Variants in LARGE1 observed in about 807,000 individuals in gnomAD.
LARGE1 encodes the protein LARGE xylosyl- and glucuronyltransferase 1, also known as xylosyl- and glucuronyltransferase LARGE1.
In LARGE1, 43 loss-of-function variants were observed where a neutral mutation model predicts 87.6. The ratio of observed to expected loss-of-function variants is 0.49; its 90% confidence interval spans 0.38 to 0.63. LARGE1 has a LOEUF of 0.63. Ranked by LOEUF, LARGE1 falls within the 30% of genes least tolerant of loss-of-function variation. The pLI is 0.00. For synonymous variants in LARGE1, 434 were observed against 394.6 expected (o/e 1.10, Z -1.18); for missense variants, 802 against 1,000.2 (o/e 0.80, Z 2.67).
intron 6 of LARGE1, among the ~76,000 whole-genome samples, chr22:33,476,155 T>C (rs1195913285): frequency 6.6e-6 from 1 of 152,248 alleles, no homozygotes; most frequent in Non-Finnish European, 1.5e-5. Context: ...GCAATGTAAA[T>C]TGATAGCTGA....
intron 11 of LARGE1, among the ~76,000 whole-genome samples, chr22:33,226,627 C>G (rs1925746749): frequency 6.6e-6 from 1 of 152,146 alleles, no homozygotes; most frequent in Non-Finnish European, 1.5e-5. Flanking sequence ...CTGGGCCTGA[C>G]AAGAGGAAGC....
intron 6 of LARGE1, among the ~76,000 whole-genome samples, chr22:33,506,059 C>T (rs1285068871): frequency 6.6e-6 from 1 of 152,092 alleles, no homozygotes; most frequent in African/African-American, 2.4e-5. Flanking sequence ...AGGGGACTCA[C>T]AGCCATGAAT....
chr22:33,877,164 C>G (rs980696062), intron 1 of LARGE1, among the ~76,000 whole-genome samples: 6 of 152,064 alleles, frequency 3.9e-5, no homozygotes, highest in Admixed American at 2.0e-4. Context: ...AAGAAAGTCC[C>G]TTTTTAAAAA....
chr22:33,452,303 C>T (rs1033508332), intron 6 of LARGE1, among the ~76,000 whole-genome samples: 1 of 152,162 alleles, frequency 6.6e-6, no homozygotes, highest in East Asian at 1.9e-4. Flanking sequence ...GGGTGAAGGA[C>T]GGGTGGCCTA....
At chr22:33,283,415 A>AGGGC (rs1385814366) in intron 12 of LARGE1, 67 bp from the exon 13 acceptor site, 1 of 1,577,398 alleles carries the variant, frequency 6.3e-7, no homozygotes, top group African/African-American at 1.4e-5. Flanking sequence ...TTCCCCCATG[A>AGGGC]GGGCGGGGTG....
chr22:33,524,129 A>G (rs1292607356), intron 6 of LARGE1, among the ~76,000 whole-genome samples: 1 of 151,932 alleles, frequency 6.6e-6, no homozygotes, highest in East Asian at 1.9e-4. Context: ...TGTCTCTACT[A>G]AAAATACAAA....
chr22:33,589,099 T>C (rs2078761577), intron 5 of LARGE1, among the ~76,000 whole-genome samples: 1 of 152,202 alleles, frequency 6.6e-6, no homozygotes, highest in Non-Finnish European at 1.5e-5. Flanking sequence ...CTGCATGGAA[T>C]TTCCCATAGA....
At chr22:33,271,626 C>CA (rs568989368), downstream of LARGE1, among the ~76,000 whole-genome samples, 2 of 152,242 alleles carry the variant, frequency 1.3e-5, no homozygotes, top group Non-Finnish European at 2.9e-5. Context: ...TTTTACCCCC[C>CA]AGGGAATTGA....
chr22:33,618,147 A>C (rs1211767544), intron 4 of LARGE1, among the ~76,000 whole-genome samples: 1 of 152,244 alleles, frequency 6.6e-6, no homozygotes, highest in Non-Finnish European at 1.5e-5. Context: ...CATTTCAGAA[A>C]ATCACCGCAG....
intron 11 of LARGE1, among the ~76,000 whole-genome samples, chr22:33,232,753 GA>G (rs1405401590): frequency 6.6e-6 from 1 of 152,184 alleles, no homozygotes; most frequent in Non-Finnish European, 1.5e-5. Flanking sequence ...GCAGATAAAT[GA>G]GGCCTATTCT....
chr22:33,602,152 C>A (rs2079129520), intron 5 of LARGE1, among the ~76,000 whole-genome samples: 1 of 152,200 alleles, frequency 6.6e-6, no homozygotes, highest in Admixed American at 6.5e-5. Context: ...TATTTCACCC[C>A]TTCCTTTGTG....
At chr22:33,076,516 C>T in the LARGE1 span, among the ~76,000 whole-genome samples, 4 of 152,178 alleles carry the variant, frequency 2.6e-5, no homozygotes, top group South Asian at 8.3e-4. Flanking sequence ...TTTGAAGCAC[C>T]AGATTTTCAT....
At chr22:33,158,337 A>G (rs1921928181), downstream of LARGE1, among the ~76,000 whole-genome samples, 1 of 152,194 alleles carries the variant, frequency 6.6e-6, no homozygotes, top group Non-Finnish European at 1.5e-5. Flanking sequence ...AATTATTGCA[A>G]AAGAAGGCAG....
intron 11 of LARGE1, among the ~76,000 whole-genome samples, chr22:33,167,637 G>A (rs1922343728): frequency 6.6e-6 from 1 of 152,156 alleles, no homozygotes; most frequent in Non-Finnish European, 1.5e-5. Context: ...TTCCCAACCA[G>A]ATTGCTAGTT....
chr22:33,685,823 C>T (rs1443290063), intron 2 of LARGE1, among the ~76,000 whole-genome samples: 1 of 152,162 alleles, frequency 6.6e-6, no homozygotes, highest in Admixed American at 6.5e-5. Context: ...ATAACCATGA[C>T]ACTATAAAGC....
At chr22:33,542,116 C>A (rs536032617) in intron 6 of LARGE1, among the ~76,000 whole-genome samples, 1 of 145,746 alleles carries the variant, frequency 6.9e-6, no homozygotes, top group East Asian at 2.0e-4. Flanking sequence ...GAGCCGAGAT[C>A]GCACCACTGC....
chr22:33,539,941 C>T (rs749430561), intron 6 of LARGE1, among the ~76,000 whole-genome samples: 22 of 151,998 alleles, frequency 1.4e-4, no homozygotes, highest in Non-Finnish European at 2.6e-4. Flanking sequence ...TCTTCTGACC[C>T]GGGATAAAAT....
At chr22:33,832,928 G>A (rs114660408) in intron 1 of LARGE1, among the ~76,000 whole-genome samples, 3,563 of 152,278 alleles carry the variant, frequency 0.023, 142 homozygotes, top group African/African-American at 0.08. Flanking sequence ...CAGGCACTAC[G>A]GGCCCATCTG....
chr22:33,316,803 C>T (rs971631193), intron 10 of LARGE1, among the ~76,000 whole-genome samples: 1 of 152,066 alleles, frequency 6.6e-6, no homozygotes, highest in Non-Finnish European at 1.5e-5. Context: ...GAAATGAGTC[C>T]CCTCTTAGCT....
Sources: gnomAD v4.1 joint callset for allele counts (sites outside exome capture counted in the v4.1 genomes callset) on GRCh38, gnomAD v4.1.1 for gene constraint, MANE v1.5 for transcripts, NCBI Gene and HGNC (gene_info 2026-07-23, HGNC 2026-07-21) for gene names.